Variants in ACOXL observed in about 807,000 individuals in gnomAD.
The protein encoded by ACOXL is acyl-CoA oxidase like.
In ACOXL, 70 loss-of-function variants were observed where a neutral mutation model predicts 71.9. The ratio of observed to expected loss-of-function variants is 0.97; its 90% CI spans 0.80 to 1.19. The LOEUF is 1.19. Among genes scored for constraint, ACOXL ranks in the 50% most tolerant of loss-of-function variants. The pLI, the probability that ACOXL is intolerant of heterozygous loss-of-function variation, is 0.00. For missense variants in ACOXL, 703 were observed against 736.3 expected, an observed-to-expected ratio of 0.95 and a Z score of 0.52; for synonymous variants, 253 against 281.6, an observed-to-expected ratio of 0.90 and a Z score of 1.02.
intron 10 of ACOXL, among the ~76,000 whole-genome samples, chr2:110,900,870 A>G (rs750094242): frequency 5.3e-5 from 8 of 152,236 alleles, no homozygotes; most frequent in Non-Finnish European, 1.2e-4. Context: ...AGTCAGGGTT[A>G]TAACACTGGC....
intron 10 of ACOXL, among the ~76,000 whole-genome samples, chr2:110,863,310 TGTTGA>T (rs1694176949): frequency 6.6e-6 from 1 of 152,238 alleles, no homozygotes; most frequent in South Asian, 2.1e-4. Context: ...CATGATATAA[TGTTGA>T]GTTAATTTTA....
At chr2:110,887,691 C>G (rs1697469971) in intron 10 of ACOXL, 1 of 152,320 alleles carries the variant, frequency 6.6e-6, no homozygotes, top group Admixed American at 6.5e-5. Flanking sequence ...GACTCCTGGT[C>G]TCTAGTGATC....
intron 2 of ACOXL, among the ~76,000 whole-genome samples, 153 bp downstream of exon 2, chr2:110,768,617 G>A (rs1446600829): frequency 3.3e-5 from 5 of 151,796 alleles, no homozygotes; most frequent in Admixed American, 1.3e-4. Context: ...GCGTGTTATG[G>A]AGGTTTGATG....
rs1398250652 is a variant in ACOXL, at chr2:110,794,986, C to T, written c.345+812C>T. 2.0e-5 allele frequency among the ~76,000 whole-genome samples: 3 copies of T among 149,206 alleles called. No individual in the cohort carries two copies. In the Admixed American group the frequency reaches 2.0e-4, roughly 10 times the overall value. On this transcript the variant is annotated intron_variant, in intron 5 of 17. Coordinates refer to ENST00000439055, the MANE Select transcript of ACOXL (RefSeq NM_001142807.4). Reference sequence around the variant, plus strand: ...AAAAAGAAAGCAACTGTGTACTTATCTCACTCTCCTTTATAGTTGCTTGCT... The same window carrying T: ...AAAAAGAAAGCAACTGTGTACTTATTTCACTCTCCTTTATAGTTGCTTGCT...
intron 14 of ACOXL, among the ~76,000 whole-genome samples, chr2:111,028,102 T>C (rs2065098077): frequency 1.3e-5 from 2 of 151,676 alleles, no homozygotes; most frequent in South Asian, 2.1e-4. Context: ...GTTGGGAGGA[T>C]TGCAAGAACC....
chr2:110,997,732 G>A (rs2063460572), intron 14 of ACOXL, among the ~76,000 whole-genome samples: 1 of 152,186 alleles, frequency 6.6e-6, no homozygotes, highest in African/African-American at 2.4e-5. Flanking sequence ...CGGTCCCTGT[G>A]AAGCCAATAC....
intron 5 of ACOXL, among the ~76,000 whole-genome samples, chr2:110,794,699 G>C (rs986884055): frequency 2.6e-5 from 4 of 152,182 alleles, no homozygotes; most frequent in Non-Finnish European, 4.4e-5. Flanking sequence ...CAAACGGTCT[G>C]ACTCTTCTAC....
At chr2:111,047,128 A>G (rs1007504810) in intron 15 of ACOXL, among the ~76,000 whole-genome samples, 1 of 152,258 alleles carries the variant, frequency 6.6e-6, no homozygotes, top group Non-Finnish European at 1.5e-5. Context: ...GGAGGATGAT[A>G]GTCCCACAGA....
chr2:111,035,356 A>G (rs1486011558), intron 15 of ACOXL, among the ~76,000 whole-genome samples: 16 of 152,246 alleles, frequency 1.1e-4, no homozygotes, highest in Non-Finnish European at 1.5e-5. Context: ...AACTGTTACA[A>G]TGATAAATCG....
chr2:110,914,996 C>T (rs1357208861), intron 11 of ACOXL, among the ~76,000 whole-genome samples: 2 of 152,158 alleles, frequency 1.3e-5, no homozygotes, highest in Non-Finnish European at 2.9e-5. Flanking sequence ...CTTTGTGTTA[C>T]AAACAATCCA....
chr2:111,075,806 C>G (rs893846026), intron 16 of ACOXL, among the ~76,000 whole-genome samples: 1 of 152,038 alleles, frequency 6.6e-6, no homozygotes, highest in Non-Finnish European at 1.5e-5. Context: ...AGACTTCCTC[C>G]TTGACCCATG....
At chr2:110,821,492 C>T (rs1688597287) in intron 9 of ACOXL, among the ~76,000 whole-genome samples, 1 of 152,102 alleles carries the variant, frequency 6.6e-6, no homozygotes, top group Non-Finnish European at 1.5e-5. Context: ...AATTTGACAC[C>T]TTTGAAGCTA....
At chr2:111,089,175 A>C (rs2068384896) in intron 16 of ACOXL, among the ~76,000 whole-genome samples, 1 of 152,136 alleles carries the variant, frequency 6.6e-6, no homozygotes. Context: ...TGGCGTGAGC[A>C]TGTAGTCCCA....
chr2:111,057,360 T>C (rs2066594962), intron 16 of ACOXL, among the ~76,000 whole-genome samples: 1 of 152,252 alleles, frequency 6.6e-6, no homozygotes, highest in Admixed American at 6.5e-5. Flanking sequence ...CCATTCTTGC[T>C]GTGCACATTT....
At chr2:110,825,909 C>A (rs1051195725) in intron 9 of ACOXL, among the ~76,000 whole-genome samples, 7 of 152,234 alleles carry the variant, frequency 4.6e-5, no homozygotes, top group Admixed American at 1.3e-4. Context: ...TTTCTGAGCA[C>A]ATCAGCAGGA....
At chr2:110,766,985 C>T (rs1290241215) in intron 1 of ACOXL, among the ~76,000 whole-genome samples, 1 of 152,188 alleles carries the variant, frequency 6.6e-6, no homozygotes, top group Non-Finnish European at 1.5e-5. Context: ...TTGGAGTGCC[C>T]CCTCCTGCTT....
At chr2:110,869,476 A>G (rs1694999535) in intron 10 of ACOXL, among the ~76,000 whole-genome samples, 1 of 152,146 alleles carries the variant, frequency 6.6e-6, no homozygotes, top group Admixed American at 6.5e-5. Flanking sequence ...CACAATGGCA[A>G]ATGTGTGGTG....
At chr2:110,925,208 T>G (rs1169168998) in intron 11 of ACOXL, among the ~76,000 whole-genome samples, 1 of 152,228 alleles carries the variant, frequency 6.6e-6, no homozygotes, top group Non-Finnish European at 1.5e-5. Context: ...TTAATGGCCT[T>G]AGGATTTTTG....
At chr2:110,997,726 C>G (rs1448440962) in intron 14 of ACOXL, among the ~76,000 whole-genome samples, 1 of 152,092 alleles carries the variant, frequency 6.6e-6, no homozygotes, top group African/African-American at 2.4e-5. Flanking sequence ...GATTGGCGGT[C>G]CCTGTGAAGC....
Sources: allele counts gnomAD v4.1 joint callset (sites outside exome capture counted in the v4.1 genomes callset), GRCh38; gene constraint gnomAD v4.1.1; transcripts MANE v1.5; gene names NCBI Gene and HGNC (gene_info 2026-07-23, HGNC 2026-07-21).